SYCP2: variants seen among roughly 807,000 people sequenced by gnomAD.
The protein encoded by SYCP2 is synaptonemal complex lateral element protein.
Under a neutral mutation model 211.3 loss-of-function variants are expected in SYCP2, and 55 were observed. The observed-to-expected ratio is 0.26, with a 90% confidence interval of 0.21 to 0.33. The LOEUF is 0.33. SYCP2 is among the 10% of genes least tolerant of loss of function. The probability of loss-of-function intolerance (pLI) is 1.00; values close to 1 mark genes in which losing one functional copy is unlikely to be tolerated. For missense variants in SYCP2, 1,731 were observed against 1,752.0 expected (o/e 0.99, Z 0.21); for synonymous variants, 570 against 555.2 (o/e 1.03, Z -0.37).
In SYCP2 at chr20:59,889,504, T is replaced by C. The variant is rs193117202; in HGVS notation, c.2364+2486A>G. On this transcript the variant is annotated intron_variant, in intron 24 of 44. Coordinates refer to ENST00000357552, the MANE Select transcript of SYCP2 (RefSeq NM_014258.4). ...TTAAAGATATGAGGTCTCCTGATTT[T>C]ATATTTACTTTTCTCTGGTTATCAG... 6.6e-4 allele frequency among the ~76,000 whole-genome samples: 101 copies of C among 152,152 alleles called. 1 individual carries two copies. Among genetic ancestry groups the C allele is most frequent in the Admixed American group, 1.2e-3 (19 of 15,234 alleles).
At chr20:59,893,638 T>C (rs2059952102) in intron 20 of SYCP2, 45 bp from the exon 21 acceptor site, 1 of 1,444,770 alleles carries the variant, frequency 6.9e-7, no homozygotes, top group East Asian at 2.3e-5. Context: ...AGATGTTATA[T>C]GAAAACCTAA....
chr20:59,909,064 T>C (rs1305359326), intron 14 of SYCP2, among the ~76,000 whole-genome samples: 2 of 152,194 alleles, frequency 1.3e-5, no homozygotes, highest in Non-Finnish European at 2.9e-5. Context: ...TCATTTCCTC[T>C]CATAAAACCT....
rs1266836903 is a variant in SYCP2, at chr20:59,892,592, A to G, written c.1903T>C (p.Ser635Pro). The G allele has an allele frequency of 1.2e-6, 2 of 1,607,876 alleles. No individual in the cohort carries two copies. Among genetic ancestry groups the G allele is most frequent in the African/African-American group, 2.7e-5 (2 of 74,688 alleles). Residue 635 changes from serine to proline, a missense_variant, in exon 23 of 45, where the codon TCG (serine) becomes CCG (proline). Physicochemically the swap from Ser to Pro is moderately conservative, Grantham distance 74 (BLOSUM62 -1). This residue lies in a region of SYCP2 where 1,387 missense variants were observed against 1,351.3 expected (regional missense o/e 1.03). Coordinates refer to ENST00000357552, the MANE Select transcript of SYCP2 (RefSeq NM_014258.4). ...CCTTGATTCAATGTGTCTCCTGACGAAGTACTTGCTCTTTGGTTATTACAT... is the reference window on the plus strand; with the variant it reads ...CCTTGATTCAATGTGTCTCCTGACGGAGTACTTGCTCTTTGGTTATTACAT... The part of the protein sequence containing the change: ...ELCNNQRAST[S>P]SGDTLNQDIV...
At chr20:59,867,925 AATCT>A (rs2059382626) in intron 38 of SYCP2, 78 bp from the exon 39 acceptor site, 6 of 1,051,774 alleles carry the variant, frequency 5.7e-6, no homozygotes, top group South Asian at 1.6e-5. Flanking sequence ...CTAAGAACAA[AATCT>A]ATCTTATTTT....
intron 24 of SYCP2, among the ~76,000 whole-genome samples, chr20:59,891,402 A>G (rs1171980110): frequency 1.3e-5 from 2 of 151,958 alleles, no homozygotes; most frequent in Non-Finnish European, 1.5e-5. Context: ...AATGTCTTAG[A>G]GATGTTCTCC....
chr20:59,915,081 G>T, intron 10 of SYCP2, 84 bp downstream of exon 10: 1 of 877,526 alleles, frequency 1.1e-6, no homozygotes, highest in Non-Finnish European at 1.9e-6. Flanking sequence ...GTCTCACATT[G>T]CTATGCTAAT....
intron 41 of SYCP2, 150 bp downstream of exon 41, chr20:59,866,143 T>A: frequency 1.9e-6 from 1 of 529,466 alleles, no homozygotes. Flanking sequence ...AAAGTGTTTC[T>A]ATGAAGCTGA....
intron 2 of SYCP2, among the ~76,000 whole-genome samples, chr20:59,931,396 A>G (rs1403477075): frequency 3.3e-5 from 5 of 152,382 alleles, no homozygotes; most frequent in Admixed American, 1.3e-4. Flanking sequence ...CCCTGTCTCA[A>G]TAATAATCAT....
At chr20:59,890,730 T>G (rs1182358385) in intron 24 of SYCP2, among the ~76,000 whole-genome samples, 1 of 151,560 alleles carries the variant, frequency 6.6e-6, no homozygotes, top group Non-Finnish European at 1.5e-5. Context: ...GAGCACAGCT[T>G]AGAAAAGATT....
At position 59,892,055 on chromosome 20, in the gene SYCP2, G is replaced by A; in HGVS notation, c.2299C>T (p.His767Tyr). 6.2e-7 allele frequency: 1 copy of A among 1,610,034 alleles called. No individual in the cohort carries two copies. Among genetic ancestry groups the A allele is most frequent in the Non-Finnish European group, 8.5e-7 (1 of 1,178,386 alleles). Residue 767 changes from histidine (H) to tyrosine (Y), a missense_variant, in exon 24 of 45, where the codon CAT becomes TAT. Physicochemically the swap from His to Tyr is moderately conservative, Grantham distance 83. Transcript: ENST00000357552. The stretch of plus-strand genomic sequence containing the variant: ...GTCAATTCTTTCTCTGCTTTTCTAT[G>A]ACTTTGCACATTTTTGCTAGCAGAT... ...NPSASKNVQS[H>Y]RKAEKELTSE...
At chr20:59,914,655 T>A (rs7352748) in intron 10 of SYCP2, among the ~76,000 whole-genome samples, 2,949 of 152,054 alleles carry the variant, frequency 0.019, 40 homozygotes, top group Middle Eastern at 0.041. Flanking sequence ...TACATGTAAA[T>A]CACCATATTA....
chr20:59,908,488 A>G (rs372310489), intron 14 of SYCP2, among the ~76,000 whole-genome samples: 1 of 152,164 alleles, frequency 6.6e-6, no homozygotes, highest in Non-Finnish European at 1.5e-5. Context: ...CAAGGCTTTG[A>G]GCAGCCTCCT....
intron 31 of SYCP2, among the ~76,000 whole-genome samples, chr20:59,879,429 T>G (rs1395717603): frequency 6.6e-6 from 1 of 151,996 alleles, no homozygotes; most frequent in Non-Finnish European, 1.5e-5. Flanking sequence ...CTACTGGTTA[T>G]TTTTAATCCT....
At chr20:59,899,582 A>G (rs906999614) in intron 18 of SYCP2, among the ~76,000 whole-genome samples, 1 of 152,170 alleles carries the variant, frequency 6.6e-6, no homozygotes, top group African/African-American at 2.4e-5. Flanking sequence ...TTTCTAATGT[A>G]GTAATAGAAG....
At chr20:59,902,896 T>C (rs1418533855) in intron 15 of SYCP2, among the ~76,000 whole-genome samples, 1 of 152,160 alleles carries the variant, frequency 6.6e-6, no homozygotes, top group Non-Finnish European at 1.5e-5. Flanking sequence ...AAATGATGTT[T>C]CATGTTTTGA....
chr20:59,915,297 T>C (rs900419432), intron 9 of SYCP2, 98 bp from the exon 10 acceptor site: 7 of 1,071,586 alleles, frequency 6.5e-6, no homozygotes, highest in Non-Finnish European at 8.4e-6. Context: ...AAATTTACAA[T>C]TGGCTAATAT....
Position 59,919,365 on chromosome 20 carries a change from C to G in SYCP2, c.402+128G>C. On this transcript the variant is annotated intron_variant, in intron 6 of 44. Coordinates refer to ENST00000357552, the MANE Select transcript of SYCP2 (RefSeq NM_014258.4). ...GAATAAATGCTTTATACAATCTGAA[C>G]AGACCAATCCAACCAAGTCACCAAC... 4 of 750,128 alleles carry G rather than the reference C, an allele frequency of 5.3e-6. No individual in the cohort carries two copies. The South Asian group carries it at 6.6e-5, about 12-fold the overall frequency. 46.5% of individuals were successfully genotyped at this position (750,128 alleles called of 1,614,324 possible).
At chr20:59,926,839 G>A (rs1256135733) in intron 2 of SYCP2, among the ~76,000 whole-genome samples, 2 of 152,140 alleles carry the variant, frequency 1.3e-5, no homozygotes, top group African/African-American at 4.8e-5. Context: ...TGCACATAAG[G>A]CAGCAATGCC....
intron 18 of SYCP2, 52 bp from the exon 19 acceptor site, chr20:59,896,580 A>T: frequency 1.1e-6 from 1 of 915,164 alleles, no homozygotes; most frequent in Non-Finnish European, 1.8e-6. Flanking sequence ...TTTGAAATTA[A>T]ATATCCTACA....
Sources: allele counts gnomAD v4.1 joint callset (sites outside exome capture counted in the v4.1 genomes callset), GRCh38; gene constraint gnomAD v4.1.1; regional missense constraint gnomAD v4.1.1; transcripts MANE v1.5; gene names NCBI Gene and HGNC (gene_info 2026-07-23, HGNC 2026-07-21).